Variants in BNC2 observed in about 807,000 individuals in gnomAD.
The protein encoded by BNC2 is zinc finger protein basonuclin-2.
In BNC2, 20 loss-of-function variants were observed where a neutral mutation model predicts 76.3. The observed-to-expected ratio is 0.26, with a 90% confidence interval of 0.18 to 0.38. BNC2 has a LOEUF of 0.38. Among genes scored for constraint, BNC2 ranks in the 10% least tolerant of loss-of-function variants. The pLI is 1.00. For synonymous variants in BNC2, 582 were observed against 514.8 expected, an observed-to-expected ratio of 1.13 and a Z score of -1.77; for missense variants, 1,382 against 1,399.8, an observed-to-expected ratio of 0.99 and a Z score of 0.20.
intron 5 of BNC2, among the ~76,000 whole-genome samples, chr9:16,503,580 A>C (rs1822565538): frequency 6.6e-6 from 1 of 152,198 alleles, no homozygotes; most frequent in Admixed American, 6.5e-5. Flanking sequence ...ATATGGTGAT[A>C]GGACAAATTC....
At chr9:16,488,396 T>C (rs755482603) in intron 5 of BNC2, among the ~76,000 whole-genome samples, 2 of 152,218 alleles carry the variant, frequency 1.3e-5, no homozygotes, top group Non-Finnish European at 2.9e-5. Flanking sequence ...AGCAGGCCTA[T>C]ACTTACACTA....
At chr9:16,772,225 G>T (rs1357819563) in intron 1 of BNC2, among the ~76,000 whole-genome samples, 1 of 152,044 alleles carries the variant, frequency 6.6e-6, no homozygotes, top group Admixed American at 6.6e-5. Flanking sequence ...ACCCACACAC[G>T]GGGTATACTG....
intron 1 of BNC2, among the ~76,000 whole-genome samples, chr9:16,840,457 T>G (rs1315929819): frequency 6.6e-6 from 1 of 152,220 alleles, no homozygotes; most frequent in African/African-American, 2.4e-5. Flanking sequence ...AAAAGTTCAC[T>G]CTAAAGCTTG....
At chr9:16,785,165 C>T (rs570876961) in intron 1 of BNC2, among the ~76,000 whole-genome samples, 62 of 152,238 alleles carry the variant, frequency 4.1e-4, no homozygotes, top group South Asian at 1.5e-3. Context: ...ACCCACTAGG[C>T]GAGGTTAATA....
intron 1 of BNC2, among the ~76,000 whole-genome samples, chr9:16,797,333 T>C (rs1817681659): frequency 6.6e-6 from 1 of 152,126 alleles, no homozygotes; most frequent in African/African-American, 2.4e-5. Flanking sequence ...AAGGATGAGG[T>C]TGGGGGCACT....
chr9:16,429,544 A>G (rs1460989512), intron 6 of BNC2: 1 of 160,736 alleles, frequency 6.2e-6, no homozygotes, highest in Non-Finnish European at 1.4e-5. Flanking sequence ...CCACCGGTGC[A>G]CTCAGTATGT....
chr9:16,429,863 G>A lies in BNC2; in HGVS notation c.2639+5692C>T, dbSNP rs530031485. The A allele has an allele frequency of 1.4e-4, 67 of 469,634 alleles. 2 individuals carry two copies. The Admixed American group carries it at 1.5e-3, about 11-fold the overall frequency. 29.1% of individuals were successfully genotyped at this position (469,634 alleles called of 1,614,324 possible). A position where few individuals can be genotyped will look rare whatever the true frequency, so the allele number is the denominator to read the frequency against. ...AGTGGAGGAGTGAAAGGTCAGCAGA[G>A]GCTTAAACGAGCTTGTCTTGCATCC... On this transcript the variant is annotated intron_variant, in intron 6 of 6. Coordinates refer to ENST00000380672, the MANE Select transcript of BNC2 (RefSeq NM_017637.6).
intron 5 of BNC2, among the ~76,000 whole-genome samples, chr9:16,517,712 A>T (rs1817480786): frequency 6.6e-6 from 1 of 152,192 alleles, no homozygotes; most frequent in African/African-American, 2.4e-5. Flanking sequence ...GAGACAAAAA[A>T]ATCATATCAT....
In BNC2 at chr9:16,803,545, T is replaced by G. The variant is rs537741833; in HGVS notation, c.4-65060A>C. On this transcript the variant is annotated intron_variant, in intron 1 of 6. Coordinates refer to ENST00000380672, the MANE Select transcript of BNC2 (RefSeq NM_017637.6). ...ACTGCTGGTAACGGTAATGGGGAAT[T>G]TGCAATGAAGGGAAGGACATGCAAT... is the stretch of plus-strand genomic sequence containing the variant. Among the ~76,000 whole-genome samples the G allele has an allele frequency of 1.1e-4, 17 of 152,280 alleles. No homozygotes were observed. The South Asian group carries it at 3.5e-3, about 32-fold the overall frequency.
At chr9:16,738,916 A>T (rs1436335583) in intron 1 of BNC2, among the ~76,000 whole-genome samples, 1 of 150,882 alleles carries the variant, frequency 6.6e-6, no homozygotes, top group African/African-American at 2.4e-5. Context: ...ACAAGTTTAC[A>T]ATCTAGTACA....
intron 1 of BNC2, among the ~76,000 whole-genome samples, chr9:16,779,922 T>C (rs1195391476): frequency 2.0e-5 from 3 of 152,170 alleles, no homozygotes; most frequent in Non-Finnish European, 4.4e-5. Flanking sequence ...AATGTAGTGA[T>C]AGTTAGACAA....
At chr9:16,738,796 G>T (rs1280646922) in intron 1 of BNC2, among the ~76,000 whole-genome samples, 1 of 151,554 alleles carries the variant, frequency 6.6e-6, no homozygotes, top group African/African-American at 2.4e-5. Context: ...TGCTGTTAGG[G>T]AATACTAATC....
rs71476249 is a variant in BNC2 at position 16,518,576 on chromosome 9, A to T, written c.669+33954T>A. ...ACAGGTGCAAAAGTCATATATATATATATTTTTTGTTGTTGTTGTTGTTGT... is the reference window on the plus strand; with the variant it reads ...ACAGGTGCAAAAGTCATATATATATTTATTTTTTGTTGTTGTTGTTGTTGT... On this transcript the variant is annotated intron_variant, in intron 5 of 6. Transcript: ENST00000380672. Among the ~76,000 whole-genome samples, 549 of 74,590 alleles carry T rather than the reference A, an allele frequency of 7.4e-3. 6 individuals are homozygous for T. The highest frequency in any genetic ancestry group is 0.016 in the South Asian group (44 of 2,786). The allele number at this position is 74,590 out of a possible 152,430, so 48.9% of individuals were successfully genotyped here. A position where few individuals can be genotyped will look rare whatever the true frequency, so the allele number is the denominator to read the frequency against.
intron 2 of BNC2, among the ~76,000 whole-genome samples, chr9:16,734,257 T>A (rs1460275178): frequency 6.6e-6 from 1 of 152,230 alleles, no homozygotes; most frequent in Non-Finnish European, 1.5e-5. Context: ...TATACACCTA[T>A]CTGCTTCTGT....
At chr9:16,428,241 C>T (rs887515244) in intron 6 of BNC2, among the ~76,000 whole-genome samples, 2 of 152,118 alleles carry the variant, frequency 1.3e-5, no homozygotes, top group Non-Finnish European at 2.9e-5. Flanking sequence ...AACACAATTA[C>T]GAGTGAGCGA....
chr9:16,560,146 C>A (rs1452581256), intron 4 of BNC2, among the ~76,000 whole-genome samples: 1 of 152,158 alleles, frequency 6.6e-6, no homozygotes, highest in African/African-American at 2.4e-5. Context: ...TTCACTGGGT[C>A]TGGGCATCAA....
chr9:16,757,698 A>G (rs1167442937), intron 1 of BNC2, among the ~76,000 whole-genome samples: 1 of 137,486 alleles, frequency 7.3e-6, no homozygotes, highest in Non-Finnish European at 1.5e-5. Flanking sequence ...GTACAATGGT[A>G]GCAAAGCAAC....
chr9:16,557,696 A>G (rs1273516574), intron 4 of BNC2, among the ~76,000 whole-genome samples: 1 of 152,070 alleles, frequency 6.6e-6, no homozygotes, highest in African/African-American at 2.4e-5. Flanking sequence ...TTGCTTAAGT[A>G]CAGTTTGAAA....
chr9:16,518,894 C>A (rs1410968350), intron 5 of BNC2, among the ~76,000 whole-genome samples: 1 of 152,180 alleles, frequency 6.6e-6, no homozygotes, highest in Non-Finnish European at 1.5e-5. Flanking sequence ...AGCCACTGAG[C>A]CCGGCCCTAA....
Sources: allele counts gnomAD v4.1 joint callset (sites outside exome capture counted in the v4.1 genomes callset), GRCh38; gene constraint gnomAD v4.1.1; transcripts MANE v1.5; gene names NCBI Gene and HGNC (gene_info 2026-07-23, HGNC 2026-07-21).